The following CDKN2A variants were observed in gnomAD, a reference collection of about 807,000 sequenced individuals.
The protein encoded by CDKN2A is cyclin dependent kinase inhibitor 2A, also known as cyclin-dependent kinase inhibitor 2A.
A neutral mutation model predicts 11.1 loss-of-function variants in CDKN2A; 3 were observed. The observed-to-expected ratio is 0.27, with a 90% CI of 0.12 to 0.70. The LOEUF (loss-of-function observed/expected upper bound fraction) is 0.70. Among genes scored for constraint, CDKN2A ranks in the 30% least tolerant of loss-of-function variants. The pLI is 0.77. For synonymous variants in CDKN2A, 122 were observed against 108.1 expected (o/e 1.13, Z -0.80); for missense variants, 265 against 233.6 (o/e 1.13, Z -0.88).
intron 2 of CDKN2A, among the ~76,000 whole-genome samples, chr9:21,982,753 C>T (rs1427310634): frequency 1.3e-5 from 2 of 151,736 alleles, no homozygotes; most frequent in African/African-American, 4.8e-5. Flanking sequence ...AAAATAATGG[C>T]TATCATTTTT....
intron 2 of CDKN2A, among the ~76,000 whole-genome samples, chr9:21,985,094 C>T (rs1820271465): frequency 6.6e-6 from 1 of 151,978 alleles, no homozygotes; most frequent in African/African-American, 2.4e-5. Flanking sequence ...TTTTCACATA[C>T]AGATTTAACA....
intron 2 of CDKN2A, among the ~76,000 whole-genome samples, chr9:21,990,628 G>GAA (rs1308051024): frequency 2.0e-5 from 3 of 150,600 alleles, no homozygotes; most frequent in Non-Finnish European, 4.4e-5. Context: ...GAGAGAGAGA[G>GAA]AGAGAGAGAG....
Position 21,991,983 on chromosome 9 carries a change from A to G in CDKN2A, c.-4+1899T>C. On this transcript the variant is annotated intron_variant, in intron 2 of 3. Transcript: ENST00000494262. This position sits in a 1 kb window ranked among gnomAD's most constrained non-coding sequence, Gnocchi z 5.2. ...TATTTAACTTCATAATAAAAATATG[A>G]CTATTTTGTAAATGCACCAAGGTAG... 1.0e-6 allele frequency: 1 copy of G among 983,310 alleles called. No individual in the cohort carries two copies. The highest frequency in any genetic ancestry group is 4.7e-5 in the South Asian group (1 of 21,232). The allele number at this position is 983,310 out of a possible 1,614,324, so 60.9% of individuals were successfully genotyped here.
chr9:21,970,448 C>T (rs960633331), intron 2 of CDKN2A: 15 of 373,712 alleles, frequency 4.0e-5, no homozygotes, highest in Non-Finnish European at 5.4e-5. Flanking sequence ...ATCGAGAGAT[C>T]TCCAGATGAT....
rs146399052 is a variant in CDKN2A, at chr9:21,973,402, T to G, written c.150+1276A>C. On this transcript the variant is annotated intron_variant, in intron 1 of 2. Coordinates refer to ENST00000304494, the MANE Select transcript of CDKN2A (RefSeq NM_000077.5). ...GATTCTAAGCCAACATCATTTCCCC[T>G]TTTCTACATGTTCTTCTCCCGTCTC... Among the ~76,000 whole-genome samples the G allele has an allele frequency of 6.6e-5, 10 of 152,346 alleles. No individual in the cohort carries two copies. In the East Asian group the frequency reaches 1.9e-3, roughly 29 times the overall value.
In CDKN2A at chr9:21,968,820, T is replaced by TC. The variant is rs1222703251; in HGVS notation, c.458-579dup. 1 of 1,525,290 alleles carries TC rather than the reference T, an allele frequency of 6.6e-7. No individual in the cohort carries two copies. Among genetic ancestry groups the TC allele is most frequent in the South Asian group, 1.2e-5 (1 of 83,820 alleles). The allele number at this position is 1,525,290 out of a possible 1,614,324, so 94.5% of individuals were successfully genotyped here. The stretch of plus-strand genomic sequence containing the variant: ...TATTCATGTGCTCTGGCTTCTGCCT[T>TC]CCTCTCTAATCTCGTTGCGTATGGG... On this transcript the variant is annotated intron_variant, in intron 2 of 2. Transcript: ENST00000304494. This position sits in a 1 kb window ranked among gnomAD's most constrained non-coding sequence, Gnocchi z 4.7.
Position 21,968,255 on chromosome 9 carries a change from G to C in CDKN2A, c.458-13C>G. 1 of 1,613,926 alleles carries C rather than the reference G, an allele frequency of 6.2e-7. No individual in the cohort carries two copies. Among genetic ancestry groups the C allele is most frequent in the East Asian group, 2.2e-5 (1 of 44,858 alleles). On this transcript the variant is annotated splice_polypyrimidine_tract_variant and intron_variant, in intron 2 of 2. Coordinates refer to ENST00000304494, the MANE Select transcript of CDKN2A (RefSeq NM_000077.5). The surrounding 1 kb of genome is among the most constrained non-coding windows in gnomAD (Gnocchi z 4.7). ...CAATCGGGGATGTCTGCAGAGGGCA[G>C]AAAGAAAACAGGCGTTAGAAACCTG... is the stretch of plus-strand genomic sequence containing the variant.
chr9:21,968,641 C>G lies in CDKN2A; in HGVS notation c.458-399G>C. ...CCGCATCCCCAGGCATCTTTTGCAC[C>G]TGGTGCGGAGTGAGCCAGCCAGCTT... On this transcript the variant is annotated intron_variant, in intron 2 of 2. Coordinates refer to ENST00000304494, the MANE Select transcript of CDKN2A (RefSeq NM_000077.5). The surrounding 1 kb of genome is among the most constrained non-coding windows in gnomAD (Gnocchi z 4.7). The G allele has an allele frequency of 4.6e-6, 7 of 1,527,364 alleles. No homozygotes were observed. Among genetic ancestry groups the G allele is most frequent in the Non-Finnish European group, 6.1e-6 (7 of 1,142,150 alleles). The allele number at this position is 1,527,364 out of a possible 1,614,324, so 94.6% of individuals were successfully genotyped here. A position where few individuals can be genotyped will look rare whatever the true frequency, so the allele number is the denominator to read the frequency against.
chr9:21,975,194 C>T (rs1010365131), upstream of CDKN2A: 9 of 1,103,920 alleles, frequency 8.2e-6, no homozygotes, highest in African/African-American at 1.3e-4. Flanking sequence ...CCCCACACCG[C>T]CCTCCGGCCT....
upstream of CDKN2A, among the ~76,000 whole-genome samples, chr9:21,977,671 T>C (rs1214888351): frequency 6.6e-6 from 1 of 152,150 alleles, no homozygotes; most frequent in East Asian, 1.9e-4. Flanking sequence ...CGGCCTACAG[T>C]GGTTCTTAAT....
At chr9:21,989,553 G>A (rs1235391341) in intron 2 of CDKN2A, 1 of 152,130 alleles carries the variant, frequency 6.6e-6, no homozygotes, top group Non-Finnish European at 1.5e-5. Flanking sequence ...GTCTCCATCT[G>A]GCTTGGAAGG....
chr9:21,972,266 C>G (rs1029000501), intron 1 of CDKN2A, among the ~76,000 whole-genome samples: 3 of 152,144 alleles, frequency 2.0e-5, no homozygotes, highest in Admixed American at 6.5e-5. Context: ...TGTCTATGTC[C>G]TAATCCTCAA....
Position 21,974,467 on chromosome 9 carries a change from G to A in CDKN2A, c.150+211C>T, listed in dbSNP as rs769762355. ...CTCAGCATTCGAGAGATCTGTACGC[G>A]CGTGGCTCCTCATTCCTCTTCCTTG... is the stretch of plus-strand genomic sequence containing the variant. On this transcript the variant is annotated intron_variant, in intron 1 of 2. Transcript: ENST00000304494. The surrounding 1 kb of genome is among the most constrained non-coding windows in gnomAD (Gnocchi z 5.2). The A allele has an allele frequency of 1.9e-6, 3 of 1,611,820 alleles. No homozygotes were observed. Among genetic ancestry groups the A allele is most frequent in the Non-Finnish European group, 2.5e-6 (3 of 1,179,338 alleles).
rs1358033089 is a variant in CDKN2A at position 21,968,597 on chromosome 9, A to G, written c.458-355T>C. ...CACAATGCCAGGCGCGAAGGCGTGA[A>G]GATGTGGCCTTTCCCTTCCCGCATC... On this transcript the variant is annotated intron_variant, in intron 2 of 2. Transcript: ENST00000304494. This position sits in a 1 kb window ranked among gnomAD's most constrained non-coding sequence, Gnocchi z 4.7. The G allele has an allele frequency of 6.7e-7, 1 of 1,485,982 alleles. No homozygotes were observed. 92.0% of individuals were successfully genotyped at this position (1,485,982 alleles called of 1,614,324 possible).
chr9:21,994,844 A>G (rs1203110115), exon 1 of CDKN2A: 1 of 163,460 alleles, frequency 6.1e-6, no homozygotes, highest in Non-Finnish European at 1.3e-5. Context: ...GCTCCCGCGG[A>G]TTCTGGTGCT....
At chr9:21,982,050 G>T (rs1050590863) in intron 2 of CDKN2A, among the ~76,000 whole-genome samples, 1 of 152,098 alleles carries the variant, frequency 6.6e-6, no homozygotes. Context: ...CAATTATTTA[G>T]TATTTGCTAT....
In CDKN2A at chr9:21,988,430, T is replaced by A; in HGVS notation, c.-4+5452A>T. Among the ~76,000 whole-genome samples the A allele has an allele frequency of 6.6e-6, 1 of 152,204 alleles. No individual in the cohort carries two copies. Among genetic ancestry groups the A allele is most frequent in the East Asian group, 1.9e-4 (1 of 5,202 alleles). ...CTTTTTTTTCCCTTTTATTACTTCTTTTTGATTGTAGAGTTCTGCCCAAAT... is the reference window on the plus strand; with the variant it reads ...CTTTTTTTTCCCTTTTATTACTTCTATTTGATTGTAGAGTTCTGCCCAAAT... On this transcript the variant is annotated intron_variant, in intron 2 of 3. Coordinates refer to the CDKN2A transcript ENST00000494262. The surrounding 1 kb of genome is among the most constrained non-coding windows in gnomAD (Gnocchi z 4.1).
intron 2 of CDKN2A, among the ~76,000 whole-genome samples, chr9:21,980,586 C>T (rs1171779576): frequency 6.6e-6 from 1 of 152,150 alleles, no homozygotes; most frequent in East Asian, 1.9e-4. Context: ...ATATGTCAGG[C>T]ACTCGGCTTA....
chr9:21,968,624 C>G lies in CDKN2A; in HGVS notation c.458-382G>C. On this transcript the variant is annotated intron_variant, in intron 2 of 2. Transcript: ENST00000304494. The surrounding 1 kb of genome is among the most constrained non-coding windows in gnomAD (Gnocchi z 4.7). ...ATGTGGCCTTTCCCTTCCCGCATCCCCAGGCATCTTTTGCACCTGGTGCGG... is the reference window on the plus strand; with the variant it reads ...ATGTGGCCTTTCCCTTCCCGCATCCGCAGGCATCTTTTGCACCTGGTGCGG... 2 of 1,516,670 alleles carry G rather than the reference C, an allele frequency of 1.3e-6. No homozygotes were observed. Among genetic ancestry groups the G allele is most frequent in the Non-Finnish European group, 1.8e-6 (2 of 1,136,900 alleles). The allele number at this position is 1,516,670 out of a possible 1,614,324, so 94.0% of individuals were successfully genotyped here. A position where few individuals can be genotyped will look rare whatever the true frequency, so the allele number is the denominator to read the frequency against.
Sources: gnomAD v4.1 joint callset for allele counts (sites outside exome capture counted in the v4.1 genomes callset) on GRCh38, gnomAD v4.1.1 for gene constraint, Gnocchi (gnomAD v3.1) non-coding constraint, MANE v1.5 for transcripts, NCBI Gene and HGNC (gene_info 2026-07-23, HGNC 2026-07-21) for gene names.